Variants in BHMT observed in about 807,000 individuals in gnomAD.
BHMT encodes the protein betaine--homocysteine S-methyltransferase, also known as betaine--homocysteine S-methyltransferase 1.
In BHMT, 38 loss-of-function variants were observed where a neutral mutation model predicts 49.5. The observed-to-expected ratio is 0.77, with a 90% CI of 0.59 to 1.01. BHMT has a LOEUF of 1.01. Ranked by LOEUF, BHMT falls within the 50% of genes least tolerant of loss-of-function variation. The pLI is 0.00. For missense variants in BHMT, 426 were observed against 495.7 expected, an observed-to-expected ratio of 0.86 and a Z score of 1.34; for synonymous variants, 166 against 176.3, an observed-to-expected ratio of 0.94 and a Z score of 0.46.
At chr5:79,114,745 A>G (rs889492616) in intron 1 of BHMT, among the ~76,000 whole-genome samples, 1 of 152,226 alleles carries the variant, frequency 6.6e-6, no homozygotes, top group African/African-American at 2.4e-5. Flanking sequence ...AAAACCATGT[A>G]TAAATTACTC....
At position 79,130,681 on chromosome 5, in the gene BHMT, AGT is replaced by A. The variant is rs542731747; in HGVS notation, c.1038-249_1038-248del. 1.1e-3 allele frequency among the ~76,000 whole-genome samples: 146 copies of A among 138,350 alleles called. 2 individuals carry two copies. Among genetic ancestry groups the A allele is most frequent in the African/African-American group, 3.7e-3 (137 of 37,452 alleles). The allele number at this position is 138,350 out of a possible 152,430, so 90.8% of individuals were successfully genotyped here. On this transcript the variant is annotated intron_variant, in intron 7 of 7. Coordinates refer to ENST00000274353, the MANE Select transcript of BHMT (RefSeq NM_001713.3). ...CCTGTTAAGTATTAATGTGTGGATA[AGT>A]GTAAGCAAATGATTGTTTATCAGTA...
chr5:79,120,611 A>T, intron 4 of BHMT, 70 bp downstream of exon 4: 1 of 1,436,462 alleles, frequency 7.0e-7, no homozygotes, highest in Non-Finnish European at 9.3e-7. Flanking sequence ...TGCTTTCAAG[A>T]GTACTGTGTG....
At chr5:79,118,901 A>G (rs192241604) in intron 2 of BHMT, among the ~76,000 whole-genome samples, 24 of 152,350 alleles carry the variant, frequency 1.6e-4, no homozygotes, top group Non-Finnish European at 2.8e-4. Flanking sequence ...TGCTGTAGTC[A>G]GTTATTTCTG....
At chr5:79,112,754 T>C (rs1756323837) in intron 1 of BHMT, among the ~76,000 whole-genome samples, 1 of 152,102 alleles carries the variant, frequency 6.6e-6, no homozygotes, top group African/African-American at 2.4e-5. Context: ...CAGTGGCTTG[T>C]TGGGAGGGGT....
chr5:79,126,426 C>G (rs1452084392), intron 6 of BHMT, 198 bp downstream of exon 6: 1 of 548,852 alleles, frequency 1.8e-6, no homozygotes, highest in African/African-American at 1.9e-5. Flanking sequence ...ATGGTCCCAG[C>G]TAGCAAAAAA....
At chr5:79,126,688 G>GCTCA (rs1561255594) in intron 6 of BHMT, among the ~76,000 whole-genome samples, 1 of 152,072 alleles carries the variant, frequency 6.6e-6, no homozygotes, top group Admixed American at 6.6e-5. Flanking sequence ...TTTTAATATG[G>GCTCA]CTCAGCTACT....
rs375894053 is a variant in BHMT at position 79,126,185 on chromosome 5, C to A, written c.765C>A (p.Asp255Glu). The change falls in exon 6 of 8, where the codon GAC becomes GAA. Residue 255 changes from aspartate to glutamate, a missense_variant. Physicochemically the swap from Asp to Glu is conservative, Grantham distance 45. Transcript: ENST00000274353. ...MSQPLAYHTP[D>E]CNKQGFIDLP... ...AGCCCTTGGCTTACCACACTCCTGA[C>A]TGCAACAAGCAGGGATTCATCGATC... The A allele has an allele frequency of 6.2e-6, 10 of 1,613,744 alleles. No homozygotes were observed. Among genetic ancestry groups the A allele is most frequent in the Non-Finnish European group, 7.6e-6 (9 of 1,179,798 alleles).
intron 1 of BHMT, among the ~76,000 whole-genome samples, chr5:79,112,199 C>T (rs1409082399): frequency 1.3e-5 from 2 of 152,196 alleles, no homozygotes; most frequent in Non-Finnish European, 2.9e-5. Flanking sequence ...GAGTGCGCCC[C>T]AGATCTATGT....
Position 79,131,380 on chromosome 5 carries a change from A to C in BHMT, c.*264A>C. ...CCCTGTGAAAAGTATTATGGAAATC[A>C]CTGCTGCACAGGAAAAGTAATTCAG... On this transcript the variant is annotated 3_prime_UTR_variant, in exon 8 of 8. Coordinates refer to ENST00000274353, the MANE Select transcript of BHMT (RefSeq NM_001713.3). 1 of 358,012 alleles carries C rather than the reference A, an allele frequency of 2.8e-6. No individual in the cohort carries two copies. 22.2% of individuals were successfully genotyped at this position (358,012 alleles called of 1,614,324 possible).
At chr5:79,116,087 G>T in intron 2 of BHMT, 188 bp downstream of exon 2, 2 of 572,700 alleles carry the variant, frequency 3.5e-6, no homozygotes, top group Non-Finnish European at 2.7e-6. Context: ...ACATGGTGGT[G>T]CACTCCTGTA....
chr5:79,127,114 A>G (rs1405807502), intron 6 of BHMT, among the ~76,000 whole-genome samples: 1 of 152,164 alleles, frequency 6.6e-6, no homozygotes, highest in Non-Finnish European at 1.5e-5. Context: ...CCAGGTCAAG[A>G]ATTCAGGGAT....
chr5:79,119,429 A>G, intron 3 of BHMT, 52 bp downstream of exon 3: 2 of 1,418,924 alleles, frequency 1.4e-6, no homozygotes, highest in South Asian at 1.2e-5. Flanking sequence ...GACCTATTGC[A>G]TCAACAAAGC....
chr5:79,130,445 T>C (rs1180188829), intron 7 of BHMT, among the ~76,000 whole-genome samples: 3 of 152,158 alleles, frequency 2.0e-5, no homozygotes, highest in Non-Finnish European at 2.9e-5. Context: ...GTCCCTCAAC[T>C]GCTTCTGATG....
At chr5:79,117,227 T>G (rs1424595543) in intron 2 of BHMT, among the ~76,000 whole-genome samples, 2 of 152,214 alleles carry the variant, frequency 1.3e-5, no homozygotes, top group Non-Finnish European at 2.9e-5. Flanking sequence ...CATAACAATT[T>G]GCACACATTT....
At chr5:79,121,130 G>GA in intron 4 of BHMT, 88 bp from the exon 5 acceptor site, 1 of 1,511,456 alleles carries the variant, frequency 6.6e-7, no homozygotes, top group Non-Finnish European at 9.0e-7. Context: ...CAGCCTGGGT[G>GA]AAAGAGCAAA....
At chr5:79,125,392 GC>G (rs1756537196) in intron 5 of BHMT, among the ~76,000 whole-genome samples, 1 of 150,052 alleles carries the variant, frequency 6.7e-6, no homozygotes, top group Non-Finnish European at 1.5e-5. Context: ...GGAAGCAGAG[GC>G]TGTGGTGAGC....
Position 79,111,904 on chromosome 5 carries a change from A to C in BHMT, c.19A>C (p.Lys7Gln), listed in dbSNP as rs773865447. The part of the protein sequence containing the change: MPPVGG[K>Q]KAKKGILERL... The stretch of plus-strand genomic sequence containing the variant: ...CACGAAGATGCCACCCGTTGGGGGC[A>C]AAAAGGCCAAGAAGGTGAGTCTCCA... The change falls in exon 1 of 8, where the codon AAA becomes CAA. Residue 7 changes from lysine to glutamine, a missense_variant. Transcript: ENST00000274353. 4 of 1,609,338 alleles carry C rather than the reference A, an allele frequency of 2.5e-6. No individual in the cohort carries two copies. In the East Asian group the frequency reaches 9.0e-5, roughly 36 times the overall value.
At chr5:79,123,359 G>A (rs760744552) in intron 5 of BHMT, among the ~76,000 whole-genome samples, 7 of 152,178 alleles carry the variant, frequency 4.6e-5, no homozygotes, top group Admixed American at 1.3e-4. Context: ...TGGATTCCAT[G>A]GGTTGTGGCA....
At chr5:79,122,683 T>C (rs1277702174) in intron 5 of BHMT, among the ~76,000 whole-genome samples, 1 of 151,640 alleles carries the variant, frequency 6.6e-6, no homozygotes, top group Non-Finnish European at 1.5e-5. Flanking sequence ...CTTGTGAGTA[T>C]ATGTATACAC....
Sources: gnomAD v4.1 joint callset for allele counts (sites outside exome capture counted in the v4.1 genomes callset) on GRCh38, gnomAD v4.1.1 for gene constraint, MANE v1.5 for transcripts, NCBI Gene and HGNC (gene_info 2026-07-23, HGNC 2026-07-21) for gene names.